SGCZ: variants seen among roughly 807,000 people sequenced by gnomAD.
SGCZ encodes sarcoglycan zeta.
Under a neutral mutation model 41.3 loss-of-function variants are expected in SGCZ, and 40 were observed. That is an observed-to-expected ratio of 0.97 (90% CI 0.75 to 1.26). SGCZ has a LOEUF of 1.26. SGCZ is among the 50% of genes most tolerant of loss of function. The pLI is 0.00. For synonymous variants in SGCZ, 206 were observed against 137.5 expected, an observed-to-expected ratio of 1.50 and a Z score of -3.49; for missense variants, 552 against 369.8, an observed-to-expected ratio of 1.49 and a Z score of -4.04.
chr8:14,115,003 A>T (rs1403802842), intron 5 of SGCZ, among the ~76,000 whole-genome samples: 1 of 152,022 alleles, frequency 6.6e-6, no homozygotes, highest in Non-Finnish European at 1.5e-5. Flanking sequence ...CGACATTTTT[A>T]AAAATTGTAC....
intron 1 of SGCZ, among the ~76,000 whole-genome samples, chr8:14,671,834 G>A (rs1002489830): frequency 2.6e-5 from 4 of 152,004 alleles, no homozygotes; most frequent in South Asian, 4.1e-4. Context: ...TATAGGCATT[G>A]GTGTCTTCTC....
At chr8:15,005,910 A>G (rs1049316336) in intron 1 of SGCZ, among the ~76,000 whole-genome samples, 1 of 152,202 alleles carries the variant, frequency 6.6e-6, no homozygotes, top group African/African-American at 2.4e-5. Flanking sequence ...TTTAATTGCC[A>G]TGCACAACAT....
chr8:15,098,218 AAAAG>A (rs1806461008), intron 1 of SGCZ, among the ~76,000 whole-genome samples: 1 of 152,142 alleles, frequency 6.6e-6, no homozygotes, highest in African/African-American at 2.4e-5. Context: ...AAAGGAGTGA[AAAAG>A]AAAGAAGAAA....
At chr8:14,443,459 AG>A (rs1800334421) in intron 2 of SGCZ, among the ~76,000 whole-genome samples, 1 of 152,162 alleles carries the variant, frequency 6.6e-6, no homozygotes, top group African/African-American at 2.4e-5. Context: ...GTACCAAAAC[AG>A]AGATATAGAT....
At chr8:14,511,587 T>A (rs1282290317) in intron 2 of SGCZ, among the ~76,000 whole-genome samples, 1 of 152,088 alleles carries the variant, frequency 6.6e-6, no homozygotes, top group East Asian at 1.9e-4. Context: ...AATATTAAGA[T>A]TTTTGGATTT....
At chr8:15,045,083 AT>A (rs1039427125) in intron 1 of SGCZ, among the ~76,000 whole-genome samples, 1 of 135,430 alleles carries the variant, frequency 7.4e-6, no homozygotes, top group African/African-American at 2.7e-5. Flanking sequence ...AGCTTTTTAT[AT>A]TTATTTATTT....
intron 4 of SGCZ, among the ~76,000 whole-genome samples, chr8:14,193,788 G>C (rs901051590): frequency 6.6e-6 from 1 of 151,766 alleles, no homozygotes; most frequent in African/African-American, 2.4e-5. Flanking sequence ...AGTCCAACAT[G>C]TATTTGTTTT....
chr8:14,352,272 G>A (rs767507071), intron 2 of SGCZ, among the ~76,000 whole-genome samples: 26 of 151,980 alleles, frequency 1.7e-4, no homozygotes, highest in Non-Finnish European at 2.6e-4. Context: ...TACTGAGTGA[G>A]GAAGGTGCAG....
intron 1 of SGCZ, among the ~76,000 whole-genome samples, chr8:14,723,044 G>T (rs1045892517): frequency 3.3e-5 from 5 of 152,062 alleles, no homozygotes; most frequent in Admixed American, 3.3e-4. Flanking sequence ...TGTTTCTATT[G>T]TTTATGTCCA....
chr8:14,655,967 C>T (rs192252152), intron 1 of SGCZ, among the ~76,000 whole-genome samples: 2 of 152,024 alleles, frequency 1.3e-5, no homozygotes, highest in African/African-American at 2.4e-5. Flanking sequence ...ACCCATCCAT[C>T]GTCTGGATGT....
chr8:15,201,203 G>A (rs539916472), intron 1 of SGCZ, among the ~76,000 whole-genome samples: 1 of 152,096 alleles, frequency 6.6e-6, no homozygotes, highest in Non-Finnish European at 1.5e-5. Flanking sequence ...TTTTATTAGA[G>A]AGGGAGTTTC....
intron 1 of SGCZ, among the ~76,000 whole-genome samples, chr8:14,994,576 C>T (rs1255004855): frequency 6.8e-6 from 1 of 147,362 alleles, no homozygotes; most frequent in Non-Finnish European, 1.5e-5. Context: ...AAGAGCAAAA[C>T]TGTGCATCCA....
intron 1 of SGCZ, among the ~76,000 whole-genome samples, chr8:15,206,452 CTTT>C (rs3069943): frequency 6.9e-6 from 1 of 144,378 alleles, no homozygotes; most frequent in Admixed American, 6.9e-5. Flanking sequence ...TCTGGGGAGT[CTTT>C]TTTTTTTTTT....
At chr8:14,165,863 T>C (rs1804192740) in intron 4 of SGCZ, among the ~76,000 whole-genome samples, 2 of 152,152 alleles carry the variant, frequency 1.3e-5, no homozygotes, top group African/African-American at 4.8e-5. Context: ...GAATATTAAA[T>C]AGATGAATGA....
intron 1 of SGCZ, among the ~76,000 whole-genome samples, chr8:15,033,179 A>G (rs1803745137): frequency 6.6e-6 from 1 of 150,712 alleles, no homozygotes; most frequent in South Asian, 2.1e-4. Context: ...GAATCATGTG[A>G]ACCAAGGTTT....
At chr8:14,298,927 C>A in intron 3 of SGCZ, among the ~76,000 whole-genome samples, 1 of 151,868 alleles carries the variant, frequency 6.6e-6, no homozygotes, top group Admixed American at 6.6e-5. Flanking sequence ...TACTTGACTT[C>A]AATTTCAACT....
At chr8:14,592,512 A>AT (rs550241199) in intron 1 of SGCZ, among the ~76,000 whole-genome samples, 1 of 151,654 alleles carries the variant, frequency 6.6e-6, no homozygotes, top group South Asian at 2.1e-4. Flanking sequence ...TTTATGCTCA[A>AT]TTTTTTTTCA....
At chr8:15,022,687 A>AT in intron 1 of SGCZ, among the ~76,000 whole-genome samples, 1 of 152,186 alleles carries the variant, frequency 6.6e-6, no homozygotes, top group East Asian at 1.9e-4. Flanking sequence ...TCTTGATGAT[A>AT]CAGGATCAGT....
chr8:14,922,411 C>T (rs770849488), intron 1 of SGCZ, among the ~76,000 whole-genome samples: 27 of 151,958 alleles, frequency 1.8e-4, no homozygotes, highest in Non-Finnish European at 3.5e-4. Context: ...AACAGTGATT[C>T]GAGTGAATAT....
Sources: gnomAD v4.1 joint callset for allele counts (sites outside exome capture counted in the v4.1 genomes callset) on GRCh38, gnomAD v4.1.1 for gene constraint, MANE v1.5 for transcripts, NCBI Gene and HGNC (gene_info 2026-07-23, HGNC 2026-07-21) for gene names.